The following RASEF variants were observed in gnomAD, a reference collection of about 807,000 sequenced individuals.
RASEF encodes RAS and EF-hand domain containing, also known as ras and EF-hand domain-containing protein.
RASEF carries 68 observed loss-of-function variants against 90.1 expected under a neutral mutation model. The observed-to-expected ratio is 0.75, with a 90% CI of 0.62 to 0.92. RASEF has a LOEUF of 0.92. Ranked by LOEUF, RASEF falls within the 40% of genes least tolerant of loss-of-function variation. The pLI is 0.00. For synonymous variants in RASEF, 331 were observed against 345.2 expected (o/e 0.96, Z 0.46); for missense variants, 949 against 937.2 (o/e 1.01, Z -0.16).
At chr9:83,182,416 T>C in the RASEF span, among the ~76,000 whole-genome samples, 2 of 152,212 alleles carry the variant, frequency 1.3e-5, no homozygotes, top group African/African-American at 4.8e-5. Flanking sequence ...AAATCTTCCT[T>C]TGACTAGATC....
intron 7 of RASEF, among the ~76,000 whole-genome samples, chr9:83,006,154 C>T (rs1447389023): frequency 6.6e-6 from 1 of 152,250 alleles, no homozygotes; most frequent in African/African-American, 2.4e-5. Context: ...CCCTTCGCAT[C>T]TTAGCTCAAT....
the RASEF span, among the ~76,000 whole-genome samples, chr9:83,199,363 T>C: frequency 6.6e-6 from 1 of 152,154 alleles, no homozygotes; most frequent in Admixed American, 6.5e-5. Context: ...TCTGTAGCTA[T>C]GGAGTTGCTC....
At chr9:83,194,015 G>A in the RASEF span, among the ~76,000 whole-genome samples, 2 of 152,124 alleles carry the variant, frequency 1.3e-5, no homozygotes, top group Non-Finnish European at 2.9e-5. Flanking sequence ...GGATGTACAG[G>A]AAAGCAGAAA....
the RASEF span, among the ~76,000 whole-genome samples, chr9:83,124,530 T>C: frequency 6.6e-6 from 1 of 152,138 alleles, no homozygotes; most frequent in Non-Finnish European, 1.5e-5. Context: ...GTTAAGATGG[T>C]AAATAAAGCT....
chr9:83,213,114 A>G, the RASEF span, among the ~76,000 whole-genome samples: 1,516 of 151,948 alleles, frequency 1.0e-2, 21 homozygotes, highest in African/African-American at 0.033. Flanking sequence ...AAAAGAAAGA[A>G]AACAACTAGG....
At chr9:83,078,888 T>C in the RASEF span, among the ~76,000 whole-genome samples, 1 of 152,212 alleles carries the variant, frequency 6.6e-6, no homozygotes, top group African/African-American at 2.4e-5. Context: ...GCCCACTTTT[T>C]AATGCAGTTG....
At chr9:83,144,412 G>GAAAGAAAGAAAGAAAGA in the RASEF span, among the ~76,000 whole-genome samples, 17 of 122,834 alleles carry the variant, frequency 1.4e-4, no homozygotes, top group African/African-American at 2.2e-4. Context: ...AAGAAAGAAA[G>GAAAGAAAGAAAGAAAGA]AAAGAAAAGA....
At chr9:83,028,478 T>C (rs754412190) in intron 1 of RASEF, among the ~76,000 whole-genome samples, 3 of 152,172 alleles carry the variant, frequency 2.0e-5, no homozygotes, top group Non-Finnish European at 4.4e-5. Flanking sequence ...ACAAAATTCA[T>C]ACCCACCCAC....
the RASEF span, among the ~76,000 whole-genome samples, chr9:83,163,687 A>G: frequency 9.2e-5 from 14 of 152,186 alleles, no homozygotes; most frequent in African/African-American, 3.4e-4. Flanking sequence ...GAGAAAACAT[A>G]CCAAAAACAA....
the RASEF span, among the ~76,000 whole-genome samples, chr9:83,156,825 G>A: frequency 6.6e-6 from 1 of 152,178 alleles, no homozygotes; most frequent in Non-Finnish European, 1.5e-5. Context: ...ATGGGTTAGT[G>A]AGACCTCCAC....
the RASEF span, among the ~76,000 whole-genome samples, chr9:83,179,306 AAGTCAT>A: frequency 6.6e-6 from 1 of 152,060 alleles, no homozygotes; most frequent in Non-Finnish European, 1.5e-5. Flanking sequence ...GCCCAGAGAA[AAGTCAT>A]AGGAATTATA....
At chr9:83,066,770 A>C (rs570099987), upstream of RASEF, among the ~76,000 whole-genome samples, 4 of 152,378 alleles carry the variant, frequency 2.6e-5, no homozygotes, top group African/African-American at 4.8e-5. Flanking sequence ...AACACAAATA[A>C]ATTTTAGAAA....
chr9:83,207,805 G>A, the RASEF span, among the ~76,000 whole-genome samples: 4 of 151,850 alleles, frequency 2.6e-5, no homozygotes, highest in Non-Finnish European at 5.9e-5. Flanking sequence ...ATGGGATTTC[G>A]CCATGTTGGC....
At chr9:83,065,877 G>T (rs577450500), upstream of RASEF, among the ~76,000 whole-genome samples, 31 of 152,264 alleles carry the variant, frequency 2.0e-4, no homozygotes, top group South Asian at 6.4e-3. Flanking sequence ...GATGCTCCTG[G>T]CCTCTAGTAG....
chr9:83,081,891 C>T, the RASEF span, among the ~76,000 whole-genome samples: 1 of 152,138 alleles, frequency 6.6e-6, no homozygotes, highest in Non-Finnish European at 1.5e-5. Context: ...ATTCACATTT[C>T]AGTCAATTAA....
the RASEF span, among the ~76,000 whole-genome samples, chr9:83,209,680 G>A: frequency 4.6e-5 from 7 of 152,350 alleles, no homozygotes; most frequent in Admixed American, 4.6e-4. Context: ...ACTCAGAGAA[G>A]CCTTTTGACA....
chr9:83,013,387 G>C (rs1455506686), intron 4 of RASEF, among the ~76,000 whole-genome samples: 2 of 152,178 alleles, frequency 1.3e-5, no homozygotes, highest in African/African-American at 4.8e-5. Context: ...ATGCTATAAA[G>C]GGATAGTGTT....
the RASEF span, among the ~76,000 whole-genome samples, chr9:83,101,623 T>C: frequency 2.0e-5 from 3 of 152,340 alleles, no homozygotes; most frequent in East Asian, 5.8e-4. Flanking sequence ...TAAAATTCTC[T>C]AGGCATGTTA....
chr9:83,130,229 C>T, the RASEF span, among the ~76,000 whole-genome samples: 2 of 152,116 alleles, frequency 1.3e-5, no homozygotes, highest in Non-Finnish European at 2.9e-5. Flanking sequence ...TGTAATCTAT[C>T]CTTGTGTAAT....
Sources: gnomAD v4.1 joint callset for allele counts (sites outside exome capture counted in the v4.1 genomes callset) on GRCh38, gnomAD v4.1.1 for gene constraint, MANE v1.5 for transcripts, NCBI Gene and HGNC (gene_info 2026-07-23, HGNC 2026-07-21) for gene names.